ZBTB7C: variants seen among roughly 807,000 people sequenced by gnomAD.
The protein encoded by ZBTB7C is zinc finger and BTB domain-containing protein 7C.
A neutral mutation model predicts 25.7 loss-of-function variants in ZBTB7C; 8 were observed. The observed-to-expected ratio is 0.31, with a 90% CI of 0.18 to 0.56. The LOEUF is 0.56. Among genes scored for constraint, ZBTB7C ranks in the 20% least tolerant of loss-of-function variants. ZBTB7C has a pLI of 0.91. For missense variants in ZBTB7C, 824 were observed against 855.2 expected, an observed-to-expected ratio of 0.96 and a Z score of 0.46; for synonymous variants, 394 against 369.0, an observed-to-expected ratio of 1.07 and a Z score of -0.78.
chr18:48,392,588 A>G (rs2047927059), intron 1 of ZBTB7C, among the ~76,000 whole-genome samples: 1 of 152,186 alleles, frequency 6.6e-6, no homozygotes, highest in Non-Finnish European at 1.5e-5. Flanking sequence ...CCTGAAAATC[A>G]GTGAGTGTTA....
chr18:48,076,151 T>C (rs796394451), intron 3 of ZBTB7C, among the ~76,000 whole-genome samples: 93 of 152,298 alleles, frequency 6.1e-4, no homozygotes, highest in African/African-American at 2.1e-3. Context: ...AGAGGGATAA[T>C]GGGTCCCCAC....
chr18:48,072,256 C>T (rs553121955), intron 3 of ZBTB7C, among the ~76,000 whole-genome samples: 2 of 152,156 alleles, frequency 1.3e-5, no homozygotes, highest in Non-Finnish European at 2.9e-5. Context: ...TCAAGTCTGT[C>T]GTCTGTAAAA....
intron 4 of ZBTB7C, among the ~76,000 whole-genome samples, chr18:48,037,700 A>T (rs2036038116): frequency 6.6e-6 from 1 of 152,180 alleles, no homozygotes. Context: ...TCCTTTTGGA[A>T]TTGGAGTCAC....
intron 2 of ZBTB7C, among the ~76,000 whole-genome samples, chr18:48,294,305 G>A (rs565391091): frequency 6.6e-6 from 1 of 152,190 alleles, no homozygotes; most frequent in Non-Finnish European, 1.5e-5. Flanking sequence ...ACTAAATTTA[G>A]CCTGGTCCCC....
At chr18:48,328,814 C>CA (rs949012056) in intron 2 of ZBTB7C, among the ~76,000 whole-genome samples, 21 of 148,950 alleles carry the variant, frequency 1.4e-4, no homozygotes, top group Admixed American at 8.0e-4. Flanking sequence ...CCCCGCCCCA[C>CA]AAAAAAAAAA....
At chr18:48,322,607 C>G (rs1182909598) in intron 2 of ZBTB7C, among the ~76,000 whole-genome samples, 1 of 152,206 alleles carries the variant, frequency 6.6e-6, no homozygotes, top group Non-Finnish European at 1.5e-5. Context: ...GGAATGTAAA[C>G]TAGCGCAACC....
intron 2 of ZBTB7C, among the ~76,000 whole-genome samples, chr18:48,245,494 C>A (rs1324979122): frequency 2.8e-4 from 37 of 132,852 alleles, no homozygotes; most frequent in Admixed American, 3.8e-4. Context: ...ATCAAGACAC[C>A]AAAAAAAAAA....
chr18:48,143,010 A>G (rs1034302300), intron 3 of ZBTB7C, among the ~76,000 whole-genome samples: 2 of 152,178 alleles, frequency 1.3e-5, no homozygotes, highest in African/African-American at 4.8e-5. Flanking sequence ...ACCTTCTTCT[A>G]GCAGGGGAAA....
At chr18:48,170,963 C>A (rs1253032276) in intron 3 of ZBTB7C, among the ~76,000 whole-genome samples, 1 of 152,130 alleles carries the variant, frequency 6.6e-6, no homozygotes, top group Non-Finnish European at 1.5e-5. Flanking sequence ...TTTCTGATCC[C>A]ACAAGGAGCT....
chr18:48,123,698 A>C (rs545159089), intron 3 of ZBTB7C, among the ~76,000 whole-genome samples: 1 of 152,360 alleles, frequency 6.6e-6, no homozygotes, highest in African/African-American at 2.4e-5. Context: ...CTGAAAAGTC[A>C]GTCATATGGC....
chr18:48,097,879 CT>C (rs150686674), intron 3 of ZBTB7C, among the ~76,000 whole-genome samples: 2,022 of 145,010 alleles, frequency 0.014, 7 homozygotes, highest in Non-Finnish European at 0.019. Flanking sequence ...TTACAAGCAT[CT>C]TTTTTTTTTT....
chr18:48,411,792 A>G (rs2048385232), upstream of ZBTB7C, among the ~76,000 whole-genome samples: 1 of 152,270 alleles, frequency 6.6e-6, no homozygotes, highest in African/African-American at 2.4e-5. Context: ...AGACTCTAAT[A>G]TAAATGTGGC....
chr18:48,029,597 G>T lies in ZBTB7C; in HGVS notation c.1523C>A (p.Pro508His). 6.7e-7 allele frequency: 1 copy of T among 1,491,026 alleles called. No individual in the cohort carries two copies. The allele number at this position is 1,491,026 out of a possible 1,614,324, so 92.4% of individuals were successfully genotyped here. ...PAPDKAAFVMPPALGEVGGHL... is the reference protein window; with the variant it reads ...PAPDKAAFVMHPALGEVGGHL... ...GCCGCCCACCTCGCCCAGCGCAGGG[G>T]GCATCACGAAGGCCGCCTTGTCGGG... Residue 508 changes from proline to histidine, a missense_variant, in exon 5 of 5, where the codon CCC (proline) becomes CAC (histidine). By Grantham distance (77) the Pro-to-His change is moderately conservative. Coordinates refer to ENST00000590800, the MANE Select transcript of ZBTB7C (RefSeq NM_001318841.2).
chr18:48,332,758 G>A (rs2046371490), intron 2 of ZBTB7C, among the ~76,000 whole-genome samples: 1 of 135,442 alleles, frequency 7.4e-6, no homozygotes, highest in East Asian at 2.3e-4. Context: ...CTCCAGGCCA[G>A]CCCCTACCAG....
chr18:48,127,710 T>A (rs954866020), intron 3 of ZBTB7C, among the ~76,000 whole-genome samples: 4 of 152,154 alleles, frequency 2.6e-5, no homozygotes, highest in African/African-American at 9.7e-5. Context: ...GACGCTCAGC[T>A]CCTCTCCTCT....
intron 3 of ZBTB7C, among the ~76,000 whole-genome samples, chr18:48,074,177 C>A (rs2037667865): frequency 6.6e-6 from 1 of 152,088 alleles, no homozygotes; most frequent in South Asian, 2.1e-4. Context: ...CCACGCCTAG[C>A]TAATTTTTCC....
chr18:48,211,202 T>G (rs530575359), intron 2 of ZBTB7C, among the ~76,000 whole-genome samples: 1 of 152,160 alleles, frequency 6.6e-6, no homozygotes, highest in Non-Finnish European at 1.5e-5. Context: ...GGGTGAATCA[T>G]AGACCTAAAT....
At chr18:48,274,836 C>G (rs2044597330) in intron 2 of ZBTB7C, among the ~76,000 whole-genome samples, 1 of 152,184 alleles carries the variant, frequency 6.6e-6, no homozygotes, top group Non-Finnish European at 1.5e-5. Context: ...GGCCCTGGCT[C>G]TCATGTCGGG....
rs553577862 is a variant in ZBTB7C at position 48,126,578 on chromosome 18, A to G, written c.-17+59356T>C. Among the ~76,000 whole-genome samples the G allele has an allele frequency of 3.5e-3, 539 of 152,236 alleles. 3 individuals are homozygous for G. Among genetic ancestry groups the G allele is most frequent in the Middle Eastern group, 0.014 (4 of 294 alleles). On this transcript the variant is annotated intron_variant, in intron 3 of 4. Coordinates refer to ENST00000590800, the MANE Select transcript of ZBTB7C (RefSeq NM_001318841.2). ...GATGCCCTCATTGGCTTCTTGTTAC[A>G]TGGGGACACCTGCTTGCAGTGGGGC...
Sources: allele counts gnomAD v4.1 joint callset (sites outside exome capture counted in the v4.1 genomes callset), GRCh38; gene constraint gnomAD v4.1.1; transcripts MANE v1.5; gene names NCBI Gene and HGNC (gene_info 2026-07-23, HGNC 2026-07-21).